Variants in SLIT2 observed in about 807,000 individuals in gnomAD.
The protein encoded by SLIT2 is slit homolog 2 protein.
SLIT2 carries 41 observed loss-of-function variants against 185.7 expected under a neutral mutation model. The observed-to-expected ratio is 0.22, with a 90% CI of 0.17 to 0.29. The LOEUF (loss-of-function observed/expected upper bound fraction) is 0.29. SLIT2 is among the 10% of genes least tolerant of loss of function. SLIT2 has a pLI of 1.00. For missense variants in SLIT2, 1,571 were observed against 1,909.0 expected (o/e 0.82, Z 3.30); for synonymous variants, 693 against 680.2 (o/e 1.02, Z -0.29).
chr4:20,364,128 T>A (rs1046011319), intron 4 of SLIT2: 1 of 271,914 alleles, frequency 3.7e-6, no homozygotes, highest in African/African-American at 2.3e-5. Flanking sequence ...GTATTATGCC[T>A]GCCAGCTTGT....
rs1270174482 is a variant in SLIT2, at chr4:20,548,540, A to G, written c.2398A>G (p.Met800Val). ...GCTTTCTAATCAGAGCTTCAGCAACATGACCCAGCTCCTCACCTTGTGAGT... is the reference window on the plus strand; with the variant it reads ...GCTTTCTAATCAGAGCTTCAGCAACGTGACCCAGCTCCTCACCTTGTGAGT... ...STLSNQSFSN[M>V]TQLLTLILSY... Residue 800 changes from methionine (M) to valine (V), a missense_variant, in exon 23 of 37, where the codon ATG (methionine) becomes GTG (valine). Physicochemically the swap from Met to Val is conservative, Grantham distance 21. Transcript: ENST00000504154. The G allele has an allele frequency of 6.2e-7, 1 of 1,605,584 alleles. No homozygotes were observed. The highest frequency in any genetic ancestry group is 8.5e-7 in the Non-Finnish European group (1 of 1,172,488).
Position 20,491,819 on chromosome 4 carries a change from C to A in SLIT2, c.834C>A (p.Thr278=). The A allele has an allele frequency of 6.2e-7, 1 of 1,613,956 alleles. No homozygotes were observed. Among genetic ancestry groups the A allele is most frequent in the South Asian group, 1.1e-5 (1 of 91,070 alleles). ...CSVLHCPAAC[T]CSNNIVDCRG... ...TTTTGCACTGCCCTGCCGCCTGTAC[C>A]TGTAGCAACAATATCGTAGACTGTC... The change falls in exon 9 of 37, where the codon ACC becomes ACA. Residue 278 remains threonine (T), a synonymous_variant. Transcript: ENST00000504154.
At chr4:20,329,922 T>TAAAA (rs1719924277) in intron 4 of SLIT2, among the ~76,000 whole-genome samples, 1 of 151,930 alleles carries the variant, frequency 6.6e-6, no homozygotes, top group African/African-American at 2.4e-5. Flanking sequence ...CTCATGAGGG[T>TAAAA]TTTCTTGACC....
At chr4:20,345,986 T>G (rs370600989) in intron 4 of SLIT2, among the ~76,000 whole-genome samples, 65 of 152,092 alleles carry the variant, frequency 4.3e-4, no homozygotes, top group African/African-American at 1.5e-3. Flanking sequence ...TAGGCACTAT[T>G]TATTTTTGTT....
chr4:20,509,795 A>G (rs1196377895), intron 9 of SLIT2, among the ~76,000 whole-genome samples: 1 of 152,212 alleles, frequency 6.6e-6, no homozygotes, highest in Non-Finnish European at 1.5e-5. Flanking sequence ...GGACCATAGA[A>G]TAGATGATAT....
chr4:20,263,572 T>C (rs895737354), intron 3 of SLIT2, among the ~76,000 whole-genome samples: 1 of 151,854 alleles, frequency 6.6e-6, no homozygotes, highest in Non-Finnish European at 1.5e-5. Context: ...CTGTTGATTG[T>C]GGTTTCTAAC....
At chr4:20,479,489 CA>C (rs1332119887) in intron 5 of SLIT2, among the ~76,000 whole-genome samples, 2 of 152,092 alleles carry the variant, frequency 1.3e-5, no homozygotes, top group African/African-American at 4.8e-5. Context: ...TTCTCTCACC[CA>C]GTGCGTGCAG....
intron 29 of SLIT2, among the ~76,000 whole-genome samples, chr4:20,585,702 G>A (rs1017142294): frequency 6.6e-6 from 1 of 152,130 alleles, no homozygotes; most frequent in African/African-American, 2.4e-5. Context: ...GTCGAATAAA[G>A]AATATTTCCA....
chr4:20,344,778 G>C (rs1280248578), intron 4 of SLIT2, among the ~76,000 whole-genome samples: 2 of 152,098 alleles, frequency 1.3e-5, no homozygotes, highest in Admixed American at 6.6e-5. Flanking sequence ...ACCTCTGTGG[G>C]TTAAGAGATA....
intron 11 of SLIT2, among the ~76,000 whole-genome samples, chr4:20,515,847 G>C (rs940900172): frequency 6.6e-6 from 1 of 151,946 alleles, no homozygotes; most frequent in Non-Finnish European, 1.5e-5. Flanking sequence ...ACGGAGTCTC[G>C]CACTGTCACC....
chr4:20,408,867 T>G (rs1463264183), intron 4 of SLIT2, among the ~76,000 whole-genome samples: 1 of 152,150 alleles, frequency 6.6e-6, no homozygotes, highest in Non-Finnish European at 1.5e-5. Flanking sequence ...ATACAGACAC[T>G]TTGTCCTAGA....
chr4:20,275,483 G>T (rs1714080948), intron 4 of SLIT2, among the ~76,000 whole-genome samples: 1 of 152,112 alleles, frequency 6.6e-6, no homozygotes, highest in Non-Finnish European at 1.5e-5. Flanking sequence ...TTCATTGCAA[G>T]CAAGATGGAA....
chr4:20,355,080 A>G (rs1029594796), intron 4 of SLIT2, among the ~76,000 whole-genome samples: 2 of 152,196 alleles, frequency 1.3e-5, no homozygotes, highest in Admixed American at 6.5e-5. Context: ...GATTAAAGTT[A>G]TCAAGTTTTG....
intron 14 of SLIT2, among the ~76,000 whole-genome samples, chr4:20,524,641 C>T (rs1721127629): frequency 6.6e-6 from 1 of 152,206 alleles, no homozygotes; most frequent in African/African-American, 2.4e-5. Flanking sequence ...TCCCTTGCTT[C>T]TTACTCTGAA....
At chr4:20,437,804 A>G (rs1338036815) in intron 4 of SLIT2, among the ~76,000 whole-genome samples, 1 of 150,730 alleles carries the variant, frequency 6.6e-6, no homozygotes, top group African/African-American at 2.4e-5. Context: ...AGTCCCAGCT[A>G]CTTGGGAGGT....
At chr4:20,331,061 A>G (rs1020472853) in intron 4 of SLIT2, among the ~76,000 whole-genome samples, 7 of 152,140 alleles carry the variant, frequency 4.6e-5, no homozygotes, top group African/African-American at 1.7e-4. Context: ...TTATTGAGGA[A>G]GGACACATGA....
chr4:20,409,533 C>A (rs1351167829), intron 4 of SLIT2, among the ~76,000 whole-genome samples: 1 of 152,126 alleles, frequency 6.6e-6, no homozygotes, highest in Admixed American at 6.5e-5. Context: ...AGTGAATATA[C>A]ATGTGCATGT....
In SLIT2 at chr4:20,268,893, C is replaced by T. The variant is rs755871568; in HGVS notation, c.395+12C>T. Reference sequence around the variant, plus strand: ...AAGCTATACAGGCTGTAAGTAGACACAAATAGTTATTGTTGCTTTGGGTAG... The same window carrying T: ...AAGCTATACAGGCTGTAAGTAGACATAAATAGTTATTGTTGCTTTGGGTAG... On this transcript the variant is annotated intron_variant, in intron 4 of 36. Transcript: ENST00000504154. 4 of 1,522,764 alleles carry T rather than the reference C, an allele frequency of 2.6e-6. No homozygotes were observed. The East Asian group carries it at 9.0e-5, about 34-fold the overall frequency. 94.3% of individuals were successfully genotyped at this position (1,522,764 alleles called of 1,614,324 possible).
chr4:20,555,061 G>A (rs559222700), intron 26 of SLIT2, among the ~76,000 whole-genome samples: 16 of 151,822 alleles, frequency 1.1e-4, no homozygotes, highest in South Asian at 6.2e-4. Context: ...GAGCCACCAC[G>A]CCTGGCCAGA....
Sources: allele counts gnomAD v4.1 joint callset (sites outside exome capture counted in the v4.1 genomes callset), GRCh38; gene constraint gnomAD v4.1.1; transcripts MANE v1.5; gene names NCBI Gene and HGNC (gene_info 2026-07-23, HGNC 2026-07-21).